The following SUMF1 variants were observed in gnomAD, a reference collection of about 807,000 sequenced individuals.
SUMF1 encodes the protein formylglycine-generating enzyme.
A neutral mutation model predicts 47.6 loss-of-function variants in SUMF1; 48 were observed. The ratio of observed to expected loss-of-function variants is 1.01; its 90% confidence interval spans 0.80 to 1.28. The LOEUF is 1.28. Ranked by LOEUF, SUMF1 falls within the 50% of genes most tolerant of loss-of-function variation. The pLI is 0.00. For missense variants in SUMF1, 571 were observed against 485.4 expected (o/e 1.18, Z -1.66); for synonymous variants, 230 against 192.1 (o/e 1.20, Z -1.63).
chr3:4,103,395 A>T (rs542515494), intron 8 of SUMF1, among the ~76,000 whole-genome samples: 2 of 152,214 alleles, frequency 1.3e-5, no homozygotes, highest in South Asian at 4.2e-4. Context: ...TACTATAGGA[A>T]TTCAAATATG....
At chr3:4,420,171 A>T (rs1354465669) in intron 3 of SUMF1, 25 bp from the exon 4 acceptor site, 1 of 1,593,848 alleles carries the variant, frequency 6.3e-7, no homozygotes, top group East Asian at 2.2e-5. Flanking sequence ...GAACAGGCTG[A>T]TGTTAGCTAC....
chr3:4,103,749 A>C (rs978816822), intron 8 of SUMF1, among the ~76,000 whole-genome samples: 1 of 152,086 alleles, frequency 6.6e-6, no homozygotes, highest in African/African-American at 2.4e-5. Context: ...CCTTAGACAA[A>C]CCACCATGAT....
intron 9 of SUMF1, among the ~76,000 whole-genome samples, chr3:4,057,028 G>A (rs1574848566): frequency 6.6e-6 from 1 of 151,720 alleles, no homozygotes; most frequent in Non-Finnish European, 1.5e-5. Flanking sequence ...TCACAGGCGT[G>A]AGCCACCGCG....
rs180984064 is a variant in SUMF1 at position 4,043,104 on chromosome 3, C to T, written c.1191+25465G>A. On this transcript the variant is annotated intron_variant and NMD_transcript_variant, in intron 9 of 12. Transcript: ENST00000448413. ...CTCCCCCTGCCTCAGCACTGTGGCT[C>T]TGACAATGACTGGATCCCTCTACAA... Among the ~76,000 whole-genome samples, 25 of 152,216 alleles carry T rather than the reference C, an allele frequency of 1.6e-4. No individual in the cohort carries two copies. In the East Asian group the frequency reaches 4.6e-3, roughly 28 times the overall value.
chr3:4,258,149 C>A (rs1283122794), intron 8 of SUMF1, among the ~76,000 whole-genome samples: 1 of 149,846 alleles, frequency 6.7e-6, no homozygotes, highest in East Asian at 1.9e-4. Flanking sequence ...GACCTAAAAC[C>A]ATAAAAACCC....
At chr3:4,456,706 G>GTA (rs763865030) in intron 1 of SUMF1, among the ~76,000 whole-genome samples, 6,478 of 112,854 alleles carry the variant, frequency 0.057, 488 homozygotes, top group African/African-American at 0.14. Context: ...ATATATATAC[G>GTA]TATATATATA....
intron 8 of SUMF1, among the ~76,000 whole-genome samples, chr3:4,369,733 T>C (rs1366939590): frequency 6.6e-6 from 1 of 152,154 alleles, no homozygotes; most frequent in African/African-American, 2.4e-5. Context: ...CCAGAAACTC[T>C]GATTCAGGAA....
At chr3:4,204,540 T>C (rs1574975629) in intron 8 of SUMF1, among the ~76,000 whole-genome samples, 1 of 152,160 alleles carries the variant, frequency 6.6e-6, no homozygotes, top group Admixed American at 6.5e-5. Context: ...TGGTAAGTTA[T>C]TGTTATTATC....
At chr3:4,074,517 C>CA (rs1434716526) in intron 8 of SUMF1, among the ~76,000 whole-genome samples, 3 of 151,638 alleles carry the variant, frequency 2.0e-5, no homozygotes, top group South Asian at 2.1e-4. Flanking sequence ...GAAAGAGACA[C>CA]AAAAAAACCC....
chr3:4,290,559 T>G (rs1697719567), intron 8 of SUMF1, among the ~76,000 whole-genome samples: 1 of 152,182 alleles, frequency 6.6e-6, no homozygotes, highest in South Asian at 2.1e-4. Context: ...TTCATGCTTT[T>G]CCCTTCCCCT....
chr3:4,302,617 C>G (rs980489049), intron 8 of SUMF1, among the ~76,000 whole-genome samples: 1 of 152,078 alleles, frequency 6.6e-6, no homozygotes, highest in Admixed American at 6.5e-5. Flanking sequence ...TGGCCTGAAC[C>G]ACTTTCTCAG....
At chr3:4,252,427 T>C (rs924484122) in intron 8 of SUMF1, among the ~76,000 whole-genome samples, 1 of 152,058 alleles carries the variant, frequency 6.6e-6, no homozygotes, top group Non-Finnish European at 1.5e-5. Context: ...CATTGTCTAT[T>C]ATCCCAAAAT....
At chr3:4,207,772 T>C (rs150089895) in intron 8 of SUMF1, among the ~76,000 whole-genome samples, 48 of 152,200 alleles carry the variant, frequency 3.2e-4, no homozygotes, top group African/African-American at 1.1e-3. Flanking sequence ...CCCAAAAACA[T>C]AGCGACAGAC....
At chr3:4,108,742 CA>C in intron 8 of SUMF1, among the ~76,000 whole-genome samples, 1 of 152,092 alleles carries the variant, frequency 6.6e-6, no homozygotes. Flanking sequence ...ACTAGGATTG[CA>C]ACCCCTGCCT....
intron 8 of SUMF1, among the ~76,000 whole-genome samples, chr3:4,242,934 T>C (rs900366072): frequency 2.0e-5 from 3 of 152,222 alleles, no homozygotes; most frequent in Admixed American, 2.0e-4. Flanking sequence ...GGCTGTTAAT[T>C]ATTGCCTCAA....
chr3:4,203,426 T>C (rs2125154029), intron 8 of SUMF1, among the ~76,000 whole-genome samples: 1 of 152,180 alleles, frequency 6.6e-6, no homozygotes, highest in Middle Eastern at 3.4e-3. Flanking sequence ...TGGTTTTCAT[T>C]TGCATGGAAC....
intron 8 of SUMF1, among the ~76,000 whole-genome samples, chr3:4,182,698 G>C (rs900173005): frequency 2.6e-5 from 4 of 152,050 alleles, no homozygotes. Context: ...ATGATGGCAG[G>C]ACAATGGGAA....
intron 8 of SUMF1, among the ~76,000 whole-genome samples, chr3:4,227,724 A>T (rs1696205309): frequency 6.6e-6 from 1 of 152,108 alleles, no homozygotes; most frequent in Non-Finnish European, 1.5e-5. Flanking sequence ...ACAGTGAGCC[A>T]TGGAGTTAAG....
chr3:4,055,903 C>T (rs1019604076), intron 9 of SUMF1, among the ~76,000 whole-genome samples: 4 of 152,150 alleles, frequency 2.6e-5, no homozygotes, highest in Non-Finnish European at 5.9e-5. Context: ...TTTGGCCTTT[C>T]CAGCTTCTAG....
Sources: gnomAD v4.1 joint callset for allele counts (sites outside exome capture counted in the v4.1 genomes callset) on GRCh38, gnomAD v4.1.1 for gene constraint, MANE v1.5 for transcripts, NCBI Gene and HGNC (gene_info 2026-07-23, HGNC 2026-07-21) for gene names.